NCKAP5: variants seen among roughly 807,000 people sequenced by gnomAD.
NCKAP5 encodes the protein nck-associated protein 5.
A neutral mutation model predicts 167.0 loss-of-function variants in NCKAP5; 92 were observed. The ratio of observed to expected loss-of-function variants is 0.55; its 90% CI spans 0.47 to 0.66. The LOEUF is 0.66. Ranked by LOEUF, NCKAP5 falls within the 30% of genes least tolerant of loss-of-function variation. The pLI is 0.00. For missense variants in NCKAP5, 2,378 were observed against 2,315.0 expected (o/e 1.03, Z -0.56); for synonymous variants, 891 against 877.4 (o/e 1.02, Z -0.27).
At chr2:133,633,482 C>T in the NCKAP5 span, among the ~76,000 whole-genome samples, 1 of 152,152 alleles carries the variant, frequency 6.6e-6, no homozygotes, top group Non-Finnish European at 1.5e-5. Flanking sequence ...AGAATGCCAG[C>T]AGGAAATGTT....
intron 12 of NCKAP5, among the ~76,000 whole-genome samples, chr2:132,795,839 C>CAAAAAAAAA (rs1246383506): frequency 9.0e-6 from 1 of 110,634 alleles, no homozygotes; most frequent in African/African-American, 3.4e-5. Flanking sequence ...AAAAAAAAAA[C>CAAAAAAAAA]AAAAAAAACA....
chr2:133,619,214 G>T, the NCKAP5 span, among the ~76,000 whole-genome samples: 2 of 145,694 alleles, frequency 1.4e-5, no homozygotes, highest in African/African-American at 2.5e-5. Context: ...TAGATGACGA[G>T]TTAGTGGGTG....
chr2:133,551,353 G>C (rs1237633451), intron 2 of NCKAP5, among the ~76,000 whole-genome samples: 2 of 144,880 alleles, frequency 1.4e-5, no homozygotes, highest in Non-Finnish European at 3.0e-5. Context: ...ATACTACAAG[G>C]CTACAGTAAC....
intron 11 of NCKAP5, among the ~76,000 whole-genome samples, chr2:132,830,858 A>C (rs927688674): frequency 2.6e-5 from 4 of 152,202 alleles, no homozygotes; most frequent in African/African-American, 9.7e-5. Flanking sequence ...AGATAATGTA[A>C]AAGTGTATAT....
chr2:133,598,782 G>T, the NCKAP5 span, among the ~76,000 whole-genome samples: 1 of 152,176 alleles, frequency 6.6e-6, no homozygotes, highest in African/African-American at 2.4e-5. Flanking sequence ...CATTACAAAT[G>T]ACCACAGACT....
intron 18 of NCKAP5, among the ~76,000 whole-genome samples, chr2:132,728,346 G>C (rs1690663754): frequency 6.6e-6 from 1 of 152,032 alleles, no homozygotes; most frequent in African/African-American, 2.4e-5. Context: ...TGAAACTCAG[G>C]GCTCACGGAT....
rs527266700 is a variant in NCKAP5, at chr2:133,047,272, C to G, written c.342-53033G>C. Among the ~76,000 whole-genome samples the G allele has an allele frequency of 2.7e-4, 41 of 152,316 alleles. No homozygotes were observed. The Middle Eastern group carries it at 0.017, about 63-fold the overall frequency. The stretch of plus-strand genomic sequence containing the variant: ...TGTGTTAGACACTTTTCAGAAACCT[C>G]TGGATAAACGAGTCTCAGCAGCCCC... On this transcript the variant is annotated intron_variant, in intron 6 of 19. Transcript: ENST00000409261.
chr2:133,631,656 A>G, the NCKAP5 span, among the ~76,000 whole-genome samples: 1 of 152,352 alleles, frequency 6.6e-6, no homozygotes, highest in South Asian at 2.1e-4. Flanking sequence ...TGAGTTTGAT[A>G]CAATAACTTA....
chr2:133,106,389 G>C (rs968941732), intron 6 of NCKAP5, among the ~76,000 whole-genome samples: 3 of 152,026 alleles, frequency 2.0e-5, no homozygotes, highest in Non-Finnish European at 2.9e-5. Context: ...CGTTTTAGTG[G>C]GAATGGAGAA....
At chr2:133,328,881 C>A (rs886166564) in intron 3 of NCKAP5, among the ~76,000 whole-genome samples, 2 of 152,050 alleles carry the variant, frequency 1.3e-5, no homozygotes, top group African/African-American at 4.8e-5. Context: ...AAACTTGCGG[C>A]AATCATAATA....
intron 8 of NCKAP5, among the ~76,000 whole-genome samples, chr2:132,932,964 G>A (rs1330947276): frequency 9.4e-6 from 1 of 106,318 alleles, no homozygotes; most frequent in Non-Finnish European, 1.8e-5. Context: ...TCGCTTTGTT[G>A]CCCAGGCTGG....
At chr2:133,610,040 T>A in the NCKAP5 span, among the ~76,000 whole-genome samples, 1 of 152,210 alleles carries the variant, frequency 6.6e-6, no homozygotes, top group South Asian at 2.1e-4. Context: ...GATCCTAAGA[T>A]AAATCAGCAT....
intron 3 of NCKAP5, among the ~76,000 whole-genome samples, chr2:133,514,182 C>T (rs1683778353): frequency 6.6e-6 from 1 of 152,186 alleles, no homozygotes; most frequent in Non-Finnish European, 1.5e-5. Flanking sequence ...CTTGTAGTCA[C>T]TTGTCTTTCT....
rs117797231 is a variant in NCKAP5 at position 133,532,031 on chromosome 2, C to T, written c.-61-14444G>A. On this transcript the variant is annotated intron_variant, in intron 2 of 19. Coordinates refer to ENST00000409261, the MANE Select transcript of NCKAP5 (RefSeq NM_207363.3). Reference sequence around the variant, plus strand: ...ATAAATTATATTTCTACTGTGTATGCATAAACCTAGAACGATATACAGCAC... The same window carrying T: ...ATAAATTATATTTCTACTGTGTATGTATAAACCTAGAACGATATACAGCAC... 1.1e-3 allele frequency among the ~76,000 whole-genome samples: 175 copies of T among 152,290 alleles called. 4 individuals carry two copies. In the East Asian group the frequency reaches 0.031, roughly 27 times the overall value.
At chr2:133,254,294 A>G (rs2088505683) in intron 4 of NCKAP5, among the ~76,000 whole-genome samples, 1 of 152,078 alleles carries the variant, frequency 6.6e-6, no homozygotes, top group Admixed American at 6.6e-5. Flanking sequence ...TAGAGAGAGC[A>G]TGTGGAGAGA....
intron 19 of NCKAP5, among the ~76,000 whole-genome samples, chr2:132,700,015 C>G (rs868583421): frequency 2.6e-5 from 4 of 152,240 alleles, no homozygotes; most frequent in East Asian, 1.9e-4. Context: ...TGTTAATGAT[C>G]GCCATTCTAA....
At chr2:133,253,962 C>A (rs2088486006) in intron 4 of NCKAP5, among the ~76,000 whole-genome samples, 2 of 152,078 alleles carry the variant, frequency 1.3e-5, no homozygotes, top group Non-Finnish European at 2.9e-5. Flanking sequence ...CCAGGAGTAA[C>A]AAAAATAAGC....
intron 6 of NCKAP5, among the ~76,000 whole-genome samples, chr2:133,031,365 A>G (rs1330146141): frequency 6.6e-6 from 1 of 152,106 alleles, no homozygotes; most frequent in African/African-American, 2.4e-5. Context: ...GGAAAACCGG[A>G]CCAAACTCAG....
the NCKAP5 span, among the ~76,000 whole-genome samples, chr2:133,656,417 G>A: frequency 1.6e-4 from 24 of 152,156 alleles, no homozygotes; most frequent in Non-Finnish European, 1.5e-5. Flanking sequence ...AAGTATTAAC[G>A]GAATCCTGTT....
Sources: allele counts gnomAD v4.1 joint callset (sites outside exome capture counted in the v4.1 genomes callset), GRCh38; gene constraint gnomAD v4.1.1; transcripts MANE v1.5; gene names NCBI Gene and HGNC (gene_info 2026-07-23, HGNC 2026-07-21).